ZFHX3: variants seen among roughly 807,000 people sequenced by gnomAD.
The protein encoded by ZFHX3 is zinc finger homeobox 3, also known as zinc finger homeobox protein 3.
Under a neutral mutation model 279.1 loss-of-function variants are expected in ZFHX3, and 42 were observed. The ratio of observed to expected loss-of-function variants is 0.15; its 90% CI spans 0.12 to 0.19. ZFHX3 has a LOEUF of 0.19. Ranked by LOEUF, ZFHX3 falls within the 10% of genes least tolerant of loss-of-function variation. ZFHX3 has a pLI of 1.00. For missense variants in ZFHX3, 4,981 were observed against 4,754.0 expected (o/e 1.05, Z -1.40); for synonymous variants, 2,293 against 1,957.8 (o/e 1.17, Z -4.52).
chr16:73,862,599 A>AC (rs1223648730), intron 1 of ZFHX3, among the ~76,000 whole-genome samples: 1 of 151,868 alleles, frequency 6.6e-6, no homozygotes, highest in East Asian at 1.9e-4. Context: ...ACACAGTAAG[A>AC]CCCCATCTCC....
rs183116090 is a variant in ZFHX3 at position 72,948,885 on chromosome 16, T to A, written c.3216+1584A>T. ...GCCAGTTCAGACCTCCAATTTAAAC[T>A]GACTGCAAAGGGCTTTTTTCTTTTA... On this transcript the variant is annotated intron_variant, in intron 3 of 9. Coordinates refer to ENST00000268489, the MANE Select transcript of ZFHX3 (RefSeq NM_006885.4). Among the ~76,000 whole-genome samples, 8 of 152,346 alleles carry A rather than the reference T, an allele frequency of 5.3e-5. No homozygotes were observed. In the East Asian group the frequency reaches 1.5e-3, roughly 29 times the overall value.
intron 1 of ZFHX3, among the ~76,000 whole-genome samples, chr16:73,682,968 A>AAG (rs1318395459): frequency 3.2e-5 from 1 of 30,802 alleles, no homozygotes; most frequent in African/African-American, 1.1e-4. Flanking sequence ...GAAAGAAAGA[A>AAG]AGAAAGAAAG....
intron 5 of ZFHX3, among the ~76,000 whole-genome samples, chr16:72,816,044 T>C (rs934050789): frequency 2.0e-5 from 3 of 152,216 alleles, no homozygotes; most frequent in Non-Finnish European, 2.9e-5. Flanking sequence ...ATAAAATGTG[T>C]ATTATCCCAT....
At chr16:73,438,958 G>A (rs967190785) in intron 3 of ZFHX3, among the ~76,000 whole-genome samples, 1 of 152,198 alleles carries the variant, frequency 6.6e-6, no homozygotes, top group Non-Finnish European at 1.5e-5. Context: ...AGTTCCCATT[G>A]CACTGAGAGT....
chr16:73,322,461 T>C (rs1203443712), intron 3 of ZFHX3, among the ~76,000 whole-genome samples: 1 of 152,182 alleles, frequency 6.6e-6, no homozygotes, highest in African/African-American at 2.4e-5. Context: ...TGAATCTGAA[T>C]AGGACACCTA....
intron 2 of ZFHX3, among the ~76,000 whole-genome samples, chr16:73,531,924 A>G (rs1047750957): frequency 6.6e-6 from 1 of 151,830 alleles, no homozygotes; most frequent in African/African-American, 2.4e-5. Flanking sequence ...CCCTGCTTCT[A>G]TAAAAAATTT....
At chr16:72,992,863 G>A (rs186890710) in intron 1 of ZFHX3, among the ~76,000 whole-genome samples, 5 of 152,342 alleles carry the variant, frequency 3.3e-5, no homozygotes, top group Admixed American at 3.3e-4. Flanking sequence ...AAGGCCAGGC[G>A]CGATGGCCCC....
intron 2 of ZFHX3, among the ~76,000 whole-genome samples, chr16:73,597,169 T>A (rs1567529058): frequency 6.6e-6 from 1 of 152,218 alleles, no homozygotes; most frequent in East Asian, 1.9e-4. Context: ...GTACGTTATC[T>A]CTGTGCATCT....
intron 2 of ZFHX3, among the ~76,000 whole-genome samples, chr16:73,573,194 G>A (rs1245326137): frequency 5.9e-5 from 9 of 152,158 alleles, no homozygotes; most frequent in Admixed American, 3.9e-4. Flanking sequence ...TGCCGCAGGC[G>A]CCCCCAGAAG....
At chr16:73,563,941 G>A (rs959995564) in intron 2 of ZFHX3, among the ~76,000 whole-genome samples, 6 of 152,124 alleles carry the variant, frequency 3.9e-5, no homozygotes, top group African/African-American at 1.4e-4. Flanking sequence ...AACTTCTCAA[G>A]GGACTCAAAG....
intron 1 of ZFHX3, among the ~76,000 whole-genome samples, chr16:73,038,787 C>CTATTATTAT (rs10539654): frequency 6.1e-5 from 9 of 147,028 alleles, no homozygotes; most frequent in Non-Finnish European, 1.3e-4. Flanking sequence ...CTTTTTATTA[C>CTATTATTAT]TATTATTATT....
At chr16:73,179,153 T>A (rs373760275) in intron 5 of ZFHX3, among the ~76,000 whole-genome samples, 5 of 152,222 alleles carry the variant, frequency 3.3e-5, no homozygotes, top group Admixed American at 2.0e-4. Context: ...TTGCCCTTGT[T>A]TGGTGGCTTG....
At chr16:73,571,357 A>C (rs2051732661) in intron 2 of ZFHX3, among the ~76,000 whole-genome samples, 1 of 152,196 alleles carries the variant, frequency 6.6e-6, no homozygotes, top group Non-Finnish European at 1.5e-5. Flanking sequence ...CTAAACAAAA[A>C]GGTGATTTAT....
intron 3 of ZFHX3, among the ~76,000 whole-genome samples, chr16:73,417,125 G>A (rs867230553): frequency 3.9e-5 from 6 of 152,014 alleles, no homozygotes; most frequent in Admixed American, 2.0e-4. Context: ...GCATGTCTTC[G>A]ATCAAATCAT....
At chr16:72,960,455 G>A (rs571190047) in intron 1 of ZFHX3, among the ~76,000 whole-genome samples, 1 of 152,290 alleles carries the variant, frequency 6.6e-6, no homozygotes, top group African/African-American at 2.4e-5. Context: ...CTTCGGCTTC[G>A]AATTGTCACC....
At chr16:73,546,671 TTGCTGCTGCTGC>T (rs57427757) in intron 2 of ZFHX3, among the ~76,000 whole-genome samples, 5,708 of 143,428 alleles carry the variant, frequency 0.04, 144 homozygotes, top group East Asian at 0.12. Context: ...GGTGCTGCTG[TTGCTGCTGCTGC>T]TGCTGCTGCT....
rs187551879 is a variant in ZFHX3 at position 72,973,070 on chromosome 16, G to C, written c.-49-12876C>G. Among the ~76,000 whole-genome samples, 16 of 152,284 alleles carry C rather than the reference G, an allele frequency of 1.1e-4. No homozygotes were observed. In the East Asian group the frequency reaches 2.7e-3, roughly 26 times the overall value. On this transcript the variant is annotated intron_variant, in intron 1 of 9. Transcript: ENST00000268489. ...ACGAGCTGACTCCCAAAGCAAAAAT[G>C]TCCATTCCTGACTTGGCACTTGAAT...
At chr16:73,597,734 A>T (rs919878930) in intron 2 of ZFHX3, among the ~76,000 whole-genome samples, 1 of 152,140 alleles carries the variant, frequency 6.6e-6, no homozygotes, top group African/African-American at 2.4e-5. Context: ...TTTCAGAGGG[A>T]GCACAGCTCT....
chr16:72,890,408 C>T (rs556734915), intron 3 of ZFHX3, among the ~76,000 whole-genome samples: 2 of 152,258 alleles, frequency 1.3e-5, no homozygotes, highest in East Asian at 1.9e-4. Context: ...CAATTTCTTT[C>T]CTTTGTAAAT....
Sources: allele counts gnomAD v4.1 joint callset (sites outside exome capture counted in the v4.1 genomes callset), GRCh38; gene constraint gnomAD v4.1.1; transcripts MANE v1.5; gene names NCBI Gene and HGNC (gene_info 2026-07-23, HGNC 2026-07-21).